Variants in PTBP1 observed in about 807,000 individuals in gnomAD.
PTBP1 encodes the protein polypyrimidine tract-binding protein 1.
Under a neutral mutation model 59.8 loss-of-function variants are expected in PTBP1, and 8 were observed. That is an observed-to-expected ratio of 0.13 (90% CI 0.08 to 0.24). The LOEUF (loss-of-function observed/expected upper bound fraction) is 0.24, where lower values mean the gene tolerates loss of function less well. PTBP1 is among the 10% of genes least tolerant of loss of function. The probability of loss-of-function intolerance (pLI) is 1.00; values close to 1 mark genes in which losing one functional copy is unlikely to be tolerated. For missense variants in PTBP1, 686 were observed against 767.0 expected, an observed-to-expected ratio of 0.89 and a Z score of 1.25; for synonymous variants, 490 against 320.7, an observed-to-expected ratio of 1.53 and a Z score of -5.64.
In PTBP1 at chr19:803,542, G is replaced by T. The variant is rs762195434; in HGVS notation, c.40-19G>T. ...GGCCTGGTGGGAAGTGCAGCTCCGC[G>T]TTGTCCCTTCTCTTGCAGCGGGGAT... On this transcript the variant is annotated intron_variant, in intron 2 of 14. Coordinates refer to ENST00000356948, the MANE Select transcript of PTBP1 (RefSeq NM_002819.5). 5 of 1,610,096 alleles carry T rather than the reference G, an allele frequency of 3.1e-6. No homozygotes were observed. Among genetic ancestry groups the T allele is most frequent in the Non-Finnish European group, 3.4e-6 (4 of 1,176,462 alleles).
chr19:808,369 G>A lies in PTBP1; in HGVS notation c.1163G>A (p.Gly388Asp). 6.2e-7 allele frequency: 1 copy of A among 1,600,168 alleles called. No individual in the cohort carries two copies. The highest frequency in any genetic ancestry group is 2.1e-4 in the Middle Eastern group (1 of 4,676). Residue 388 changes from glycine (G) to aspartate (D), a missense_variant, in exon 12 of 15, where the codon GGT becomes GAT. Transcript: ENST00000356948. This position sits in a 1 kb window ranked among gnomAD's most constrained non-coding sequence, Gnocchi z 4.7. ...QSLFILFGVY[G>D]DVQRVKILFN... ...CCCTGGGCTTTTGAAGGCGTCTACG[G>A]TGACGTGCAGCGCGTGAAGATCCTG...
At chr19:804,496 G>T (rs544781240) in intron 5 of PTBP1, 36 bp from the exon 6 acceptor site, 2 of 1,592,202 alleles carry the variant, frequency 1.3e-6, no homozygotes, top group African/African-American at 1.3e-5. Context: ...GGGCCCAGCC[G>T]CAGGGGCCGG....
At chr19:799,538 C>T (rs1412383549) in intron 2 of PTBP1, 95 bp downstream of exon 2, 15 of 1,291,294 alleles carry the variant, frequency 1.2e-5, no homozygotes, top group Non-Finnish European at 1.6e-5. Flanking sequence ...GGCTAGAGGG[C>T]GCTTTTCCAT....
chr19:803,092 C>T (rs1049905122), intron 2 of PTBP1, among the ~76,000 whole-genome samples: 1 of 152,132 alleles, frequency 6.6e-6, no homozygotes, highest in African/African-American at 2.4e-5. Context: ...GGTTCTCTTG[C>T]GAGGCCACCA....
chr19:802,931 C>T (rs146374206), intron 2 of PTBP1, among the ~76,000 whole-genome samples: 159 of 152,368 alleles, frequency 1.0e-3, no homozygotes, highest in Middle Eastern at 6.8e-3. Context: ...GCCCTAGTCA[C>T]GGCCGCGATA....
intron 13 of PTBP1, among the ~76,000 whole-genome samples, chr19:810,030 G>T (rs562011311): frequency 6.6e-6 from 1 of 152,354 alleles, no homozygotes; most frequent in Admixed American, 6.5e-5. Flanking sequence ...CAAGGGGCCT[G>T]GCAGAGTGGC....
At chr19:798,921 T>C (rs8103323) in intron 1 of PTBP1, among the ~76,000 whole-genome samples, 49,143 of 152,142 alleles carry the variant, frequency 0.32, 8,341 homozygotes, top group Admixed American at 0.43. Context: ...CGCCTCCTGC[T>C]CTCCTCGGTG....
At chr19:802,666 A>G (rs2034386116) in intron 2 of PTBP1, among the ~76,000 whole-genome samples, 1 of 152,134 alleles carries the variant, frequency 6.6e-6, no homozygotes, top group African/African-American at 2.4e-5. Flanking sequence ...CCTGTGCTCC[A>G]AGGTCCTCAG....
intron 2 of PTBP1, among the ~76,000 whole-genome samples, chr19:802,157 C>A (rs1013298053): frequency 1.3e-5 from 2 of 152,160 alleles, no homozygotes; most frequent in African/African-American, 2.4e-5. Flanking sequence ...GTCTCATTGG[C>A]AAGGGCCAGT....
At chr19:805,918 G>A (rs1440220184) in intron 9 of PTBP1, 8 of 330,688 alleles carry the variant, frequency 2.4e-5, no homozygotes, top group Non-Finnish European at 4.5e-5. Context: ...CGCGCGGCCC[G>A]AGGCTGAGCA....
intron 1 of PTBP1, 117 bp downstream of exon 1, chr19:797,622 G>A: frequency 3.2e-6 from 2 of 632,414 alleles, no homozygotes; most frequent in Non-Finnish European, 4.4e-6. Context: ...AGGGGGCGGC[G>A]GGCTCTCCCC....
chr19:801,584 C>A (rs867576060), intron 2 of PTBP1, among the ~76,000 whole-genome samples: 1 of 152,272 alleles, frequency 6.6e-6, no homozygotes, highest in Admixed American at 6.5e-5. Context: ...GGGCGCTTGG[C>A]CACTCTCCAG....
At chr19:800,619 G>A (rs2034289451) in intron 2 of PTBP1, among the ~76,000 whole-genome samples, 2 of 152,232 alleles carry the variant, frequency 1.3e-5, no homozygotes, top group Non-Finnish European at 2.9e-5. Context: ...TGGTGCCTGG[G>A]CCAGGTTTCG....
intron 2 of PTBP1, 94 bp from the exon 3 acceptor site, chr19:803,467 C>A: frequency 9.3e-7 from 1 of 1,072,172 alleles, no homozygotes; most frequent in Non-Finnish European, 1.4e-6. Context: ...GTCTGGGACC[C>A]CAGGCAGCCC....
chr19:805,436 C>A, intron 8 of PTBP1, 56 bp from the exon 9 acceptor site: 1 of 1,518,910 alleles, frequency 6.6e-7, no homozygotes, highest in Non-Finnish European at 9.1e-7. Flanking sequence ...CGCAGCACAG[C>A]GCCCGCTCGC....
chr19:802,227 G>A (rs534090276), intron 2 of PTBP1, among the ~76,000 whole-genome samples: 14 of 152,200 alleles, frequency 9.2e-5, no homozygotes, highest in East Asian at 3.9e-4. Context: ...TGCCGTCCGC[G>A]TCGGGAGGAG....
chr19:801,987 C>T (rs950578628), intron 2 of PTBP1, among the ~76,000 whole-genome samples: 2 of 152,202 alleles, frequency 1.3e-5, no homozygotes, highest in African/African-American at 4.8e-5. Context: ...ATTCTCTGAC[C>T]CTAAAGTCTT....
chr19:810,646 G>C (rs377667651), intron 14 of PTBP1, 26 bp downstream of exon 14: 1 of 1,612,194 alleles, frequency 6.2e-7, no homozygotes, highest in Non-Finnish European at 8.5e-7. Flanking sequence ...GCTGTCCCTG[G>C]CTCTCCCCAG....
rs1046792642 is a variant in PTBP1 at position 801,784 on chromosome 19, T to C, written c.40-1777T>C. Among the ~76,000 whole-genome samples the C allele has an allele frequency of 2.6e-5, 4 of 152,156 alleles. 1 individual carries two copies. Among genetic ancestry groups the C allele is most frequent in the Admixed American group, 2.6e-4 (4 of 15,276 alleles). ...TTCCTCCGGTCCTGGCACTGCTGTG[T>C]TTTCTGATCGCGTGGTTTCCACCTG... On this transcript the variant is annotated intron_variant, in intron 2 of 14. Coordinates refer to ENST00000356948, the MANE Select transcript of PTBP1 (RefSeq NM_002819.5).
Sources: gnomAD v4.1 joint callset for allele counts (sites outside exome capture counted in the v4.1 genomes callset) on GRCh38, gnomAD v4.1.1 for gene constraint, Gnocchi (gnomAD v3.1) non-coding constraint, MANE v1.5 for transcripts, NCBI Gene and HGNC (gene_info 2026-07-23, HGNC 2026-07-21) for gene names.